The following MEI1 variants were observed in gnomAD, a reference collection of about 807,000 sequenced individuals.
The protein encoded by MEI1 is meiosis inhibitor protein 1.
In MEI1, 103 loss-of-function variants were observed where a neutral mutation model predicts 146.2. The ratio of observed to expected loss-of-function variants is 0.70; its 90% confidence interval spans 0.60 to 0.83. The LOEUF (loss-of-function observed/expected upper bound fraction) is 0.83. Ranked by LOEUF, MEI1 falls within the 40% of genes least tolerant of loss-of-function variation. The pLI is 0.00. For synonymous variants in MEI1, 652 were observed against 628.2 expected (o/e 1.04, Z -0.57); for missense variants, 1,529 against 1,533.0 (o/e 1.00, Z 0.04).
chr22:41,716,255 C>T lies in MEI1; in HGVS notation c.529+109C>T. ...CACCTGGGAAGTCATTACTTTCCTGCTTTAGCCTTCAGTTTCCCCGTCTGC... is the reference window on the plus strand; with the variant it reads ...CACCTGGGAAGTCATTACTTTCCTGTTTTAGCCTTCAGTTTCCCCGTCTGC... On this transcript the variant is annotated intron_variant, in intron 5 of 30. Transcript: ENST00000401548. The T allele has an allele frequency of 4.2e-6, 3 of 710,320 alleles. No homozygotes were observed. In the East Asian group the frequency reaches 8.5e-5, roughly 20 times the overall value. 44.0% of individuals were successfully genotyped at this position (710,320 alleles called of 1,614,324 possible).
chr22:41,780,810 C>T (rs2148145994), intron 22 of MEI1, among the ~76,000 whole-genome samples: 2 of 152,116 alleles, frequency 1.3e-5, no homozygotes, highest in South Asian at 4.2e-4. Context: ...GTCTTGAACT[C>T]CTGGGCTCAA....
At chr22:41,771,534 C>A (rs984120951) in intron 20 of MEI1, among the ~76,000 whole-genome samples, 3 of 152,134 alleles carry the variant, frequency 2.0e-5, no homozygotes, top group Non-Finnish European at 4.4e-5. Flanking sequence ...CTCCCGGGTT[C>A]ACGCAATTCT....
Position 41,787,473 on chromosome 22 carries a change from C to A in MEI1, c.3345+2690C>A, listed in dbSNP as rs149555883. On this transcript the variant is annotated intron_variant, in intron 26 of 30. Transcript: ENST00000401548. ...ACCAGGGGTCCACAGGCGGGAAAAA[C>A]TGTGTTTGCATTATGGACACTTAGC... is the stretch of plus-strand genomic sequence containing the variant. Among the ~76,000 whole-genome samples, 1,006 of 152,238 alleles carry A rather than the reference C, an allele frequency of 6.6e-3. 12 individuals are homozygous for A. The highest frequency in any genetic ancestry group is 0.022 in the African/African-American group (929 of 41,526).
chr22:41,746,075 A>C, intron 14 of MEI1, 49 bp downstream of exon 14: 1 of 1,515,384 alleles, frequency 6.6e-7, no homozygotes, highest in South Asian at 1.2e-5. Context: ...GAAGAGAAGA[A>C]TGTGCAGGCG....
Position 41,729,777 on chromosome 22 carries a change from C to A in MEI1, c.977C>A (p.Pro326Gln). ...TCAGCCTTCATCCACGCTGACATCC[C>A]AGGTAGGGGAACACTTCTAACCTTC... ...HASAFIHADI[P>Q]EFLFEHLSSS... is the part of the protein sequence containing the mutation. The change falls in exon 8 of 31, where the codon CCA (proline) becomes CAA (glutamine). Residue 326 changes from proline to glutamine, a missense_variant and splice_region_variant. This residue lies in a region of MEI1 where 1,212 missense variants were observed against 1,178.9 expected (regional missense o/e 1.03). Transcript: ENST00000401548. 1 of 1,598,626 alleles carries A rather than the reference C, an allele frequency of 6.3e-7. No individual in the cohort carries two copies. Among genetic ancestry groups the A allele is most frequent in the Admixed American group, 1.7e-5 (1 of 57,528 alleles).
rs191711120 is a variant in MEI1 at position 41,792,995 on chromosome 22, G to T, written c.3346-834G>T. Among the ~76,000 whole-genome samples the T allele has an allele frequency of 3.1e-3, 440 of 143,334 alleles. 2 individuals are homozygous for T. The highest frequency in any genetic ancestry group is 6.7e-3 in the South Asian group (30 of 4,502). The allele number at this position is 143,334 out of a possible 152,430, so 94.0% of individuals were successfully genotyped here. On this transcript the variant is annotated intron_variant, in intron 26 of 30. Transcript: ENST00000401548. ...CTGTAATCTATAAATCTTTTAGTGT[G>T]GCCCAGGGTCCATCTTCTTTTCTGA...
rs368644316 is a variant in MEI1 at position 41,713,101 on chromosome 22, G to A, written c.350-901G>A. Among the ~76,000 whole-genome samples the A allele has an allele frequency of 3.3e-5, 5 of 152,132 alleles. No individual in the cohort carries two copies. The South Asian group carries it at 6.2e-4, about 19-fold the overall frequency. On this transcript the variant is annotated intron_variant, in intron 3 of 30. Coordinates refer to ENST00000401548, the MANE Select transcript of MEI1 (RefSeq NM_152513.4). ...TGGGATTACATGCGTGAGCCACCGC[G>A]CCCGGCTGGGCATTAGAATTTTTTT...
chr22:41,717,356 T>A (rs1338100654), intron 5 of MEI1, among the ~76,000 whole-genome samples: 1 of 152,152 alleles, frequency 6.6e-6, no homozygotes, highest in East Asian at 1.9e-4. Flanking sequence ...AGAGGTGGGG[T>A]TTCGCCATGT....
At chr22:41,792,655 T>TA (rs974334928) in intron 26 of MEI1, among the ~76,000 whole-genome samples, 2 of 152,126 alleles carry the variant, frequency 1.3e-5, no homozygotes, top group Non-Finnish European at 2.9e-5. Context: ...ATGGGGGTGA[T>TA]AAGTGTATGT....
intron 18 of MEI1, among the ~76,000 whole-genome samples, chr22:41,762,060 T>C (rs139634542): frequency 2.6e-5 from 4 of 152,312 alleles, no homozygotes; most frequent in African/African-American, 9.6e-5. Flanking sequence ...CCTATCCACC[T>C]TTTGGCTATT....
intron 6 of MEI1, among the ~76,000 whole-genome samples, chr22:41,720,316 G>A (rs1304289386): frequency 6.6e-6 from 1 of 152,138 alleles, no homozygotes; most frequent in African/African-American, 2.4e-5. Context: ...ACAAAAGGGT[G>A]CAAATACAGG....
intron 11 of MEI1, among the ~76,000 whole-genome samples, chr22:41,734,874 T>C (rs2072192913): frequency 6.6e-6 from 1 of 151,744 alleles, no homozygotes; most frequent in Non-Finnish European, 1.5e-5. Flanking sequence ...TGACCTCAGG[T>C]GATCCACCTG....
chr22:41,763,264 C>G lies in MEI1; in HGVS notation c.2211C>G (p.Phe737Leu), dbSNP rs745401846. Reference protein sequence around the residue: ...DQGERPPLVVFKASIYLLAIC... With the variant: ...DQGERPPLVVLKASIYLLAIC... ...GCGAGCGCCCCCCACTGGTGGTCTTCAAAGCCTCCATCTATCTGCTTGCAA... is the reference window on the plus strand; with the variant it reads ...GCGAGCGCCCCCCACTGGTGGTCTTGAAAGCCTCCATCTATCTGCTTGCAA... The change falls in exon 19 of 31, where the codon TTC (phenylalanine) becomes TTG (leucine). Residue 737 changes from phenylalanine (F) to leucine (L), a missense_variant. This residue lies in a region of MEI1 where 1,212 missense variants were observed against 1,178.9 expected (regional missense o/e 1.03). Coordinates refer to ENST00000401548, the MANE Select transcript of MEI1 (RefSeq NM_152513.4). 2 of 1,613,970 alleles carry G rather than the reference C, an allele frequency of 1.2e-6. No individual in the cohort carries two copies. Among genetic ancestry groups the G allele is most frequent in the Admixed American group, 3.3e-5 (2 of 60,018 alleles).
intron 5 of MEI1, among the ~76,000 whole-genome samples, chr22:41,716,522 A>T (rs138593671): frequency 6.9e-6 from 1 of 145,866 alleles, no homozygotes; most frequent in Non-Finnish European, 1.5e-5. Context: ...GATTACAGGC[A>T]TGTGCCACCA....
rs780049210 is a variant in MEI1, at chr22:41,770,929, A to G, written c.2512A>G (p.Arg838Gly). Residue 838 changes from arginine (R) to glycine (G), a missense_variant, in exon 20 of 31, where the codon AGA becomes GGA. Arg to Gly is a moderately radical substitution (Grantham distance 125). Coordinates refer to ENST00000401548, the MANE Select transcript of MEI1 (RefSeq NM_152513.4). Reference protein sequence around the residue: ...ASLVVLFQLLRSIPSILLILL... With the variant: ...ASLVVLFQLLGSIPSILLILL... ...CTTAGTAGTCCTGTTCCAGTTGCTC[A>G]GAAGCATCCCCAGCATCCTGCTCAT... 5.0e-6 allele frequency: 8 copies of G among 1,613,894 alleles called. No individual in the cohort carries two copies.
intron 18 of MEI1, among the ~76,000 whole-genome samples, chr22:41,760,484 C>T (rs1006640758): frequency 7.9e-5 from 12 of 151,788 alleles, no homozygotes; most frequent in East Asian, 1.9e-4. Context: ...ACTCCAGCCT[C>T]GGTGACGGAG....
Position 41,781,169 on chromosome 22 carries a change from T to C in MEI1, c.2816-115T>C, listed in dbSNP as rs745510788. The C allele has an allele frequency of 6.2e-4, 439 of 707,344 alleles. 2 individuals carry two copies. The highest frequency in any genetic ancestry group is 9.5e-4 in the Non-Finnish European group (382 of 402,720). 43.8% of individuals were successfully genotyped at this position (707,344 alleles called of 1,614,324 possible). On this transcript the variant is annotated intron_variant, in intron 22 of 30. Coordinates refer to ENST00000401548, the MANE Select transcript of MEI1 (RefSeq NM_152513.4). The stretch of plus-strand genomic sequence containing the variant: ...CCATTGGTTGTAATATCAGGGATAC[T>C]TAGTTTGTGCTTGCTCCCCAAGACT...
chr22:41,797,522 G>A (rs2076405797), intron 30 of MEI1, among the ~76,000 whole-genome samples: 1 of 152,094 alleles, frequency 6.6e-6, no homozygotes, highest in South Asian at 2.1e-4. Context: ...TGAGACAGGA[G>A]AACTGCTTGA....
intron 11 of MEI1, among the ~76,000 whole-genome samples, chr22:41,735,044 C>T (rs913358069): frequency 4.0e-5 from 6 of 149,866 alleles, no homozygotes; most frequent in East Asian, 2.0e-4. Context: ...TCACTGCAAC[C>T]TCCGCCTCCC....
Sources: gnomAD v4.1 joint callset for allele counts (sites outside exome capture counted in the v4.1 genomes callset) on GRCh38, gnomAD v4.1.1 for gene constraint, gnomAD v4.1.1 regional missense constraint, MANE v1.5 for transcripts, NCBI Gene and HGNC (gene_info 2026-07-23, HGNC 2026-07-21) for gene names.